Variants in MYO1H observed in about 807,000 individuals in gnomAD.
MYO1H encodes myosin IH.
MYO1H carries 118 observed loss-of-function variants against 149.3 expected under a neutral mutation model. The observed-to-expected ratio is 0.79, with a 90% CI of 0.68 to 0.92. The LOEUF (loss-of-function observed/expected upper bound fraction) is 0.92, where lower values mean the gene tolerates loss of function less well. MYO1H is among the 40% of genes least tolerant of loss of function. The probability of loss-of-function intolerance (pLI) is 0.00; values close to 1 mark genes in which losing one functional copy is unlikely to be tolerated. For synonymous variants in MYO1H, 447 were observed against 465.2 expected (o/e 0.96, Z 0.50); for missense variants, 1,212 against 1,280.7 (o/e 0.95, Z 0.82).
chr12:109,439,591 G>T (rs1452585142), intron 23 of MYO1H, 40 bp from the exon 24 acceptor site: 1 of 1,570,380 alleles, frequency 6.4e-7, no homozygotes, highest in Non-Finnish European at 8.7e-7. Context: ...TCTCGGTGAA[G>T]AAATGGTCCA....
the MYO1H span, among the ~76,000 whole-genome samples, chr12:109,315,156 C>G: frequency 3.3e-5 from 5 of 152,160 alleles, no homozygotes; most frequent in South Asian, 2.1e-4. Flanking sequence ...AATCCATTAC[C>G]TCACCCAATT....
At position 109,443,805 on chromosome 12, in the gene MYO1H, A is replaced by G. The variant is rs1288646080; in HGVS notation, c.2824+156A>G. ...GTAGTCTCAGCTACTCGGAAGGCTGAGGCAGGAGGATCACTTGAGCCTGGG... is the reference window on the plus strand; with the variant it reads ...GTAGTCTCAGCTACTCGGAAGGCTGGGGCAGGAGGATCACTTGAGCCTGGG... On this transcript the variant is annotated intron_variant, in intron 28 of 31. Coordinates refer to ENST00000310903, the Ensembl canonical transcript of MYO1H. The G allele has an allele frequency of 2.9e-5, 22 of 759,344 alleles. No individual in the cohort carries two copies. In the African/African-American group the frequency reaches 3.7e-4, roughly 13 times the overall value. 47.0% of individuals were successfully genotyped at this position (759,344 alleles called of 1,614,324 possible).
At chr12:109,383,970 G>T (rs1314568763) in intron 1 of MYO1H, among the ~76,000 whole-genome samples, 1 of 152,184 alleles carries the variant, frequency 6.6e-6, no homozygotes, top group Non-Finnish European at 1.5e-5. Context: ...ATGAGCAACA[G>T]GTCTAAACCA....
chr12:109,422,040 C>T (rs575666155), intron 16 of MYO1H, among the ~76,000 whole-genome samples: 2 of 152,208 alleles, frequency 1.3e-5, no homozygotes, highest in Admixed American at 1.3e-4. Context: ...AGGCTGGTCT[C>T]GAACTCCTGG....
In MYO1H at chr12:109,446,082, T is replaced by C. The variant is rs150472549; in HGVS notation, c.3093+470T>C. ...GTAAGAAAGAAATGTGTAAAAAATA[T>C]GTAAGAAAATATAAAGTTGCTTTTT... On this transcript the variant is annotated intron_variant, in intron 31 of 31. Coordinates refer to ENST00000310903, the Ensembl canonical transcript of MYO1H. 259 of 985,118 alleles carry C rather than the reference T, an allele frequency of 2.6e-4. 2 individuals are homozygous for C. In the African/African-American group the frequency reaches 4.3e-3, roughly 17 times the overall value. The allele number at this position is 985,118 out of a possible 1,614,324, so 61.0% of individuals were successfully genotyped here. A position where few individuals can be genotyped will look rare whatever the true frequency, so the allele number is the denominator to read the frequency against.
chr12:109,328,557 A>G, the MYO1H span, among the ~76,000 whole-genome samples: 21 of 152,322 alleles, frequency 1.4e-4, no homozygotes, highest in Admixed American at 2.6e-4. Flanking sequence ...AATAGGTCAC[A>G]GAGCTAGGCT....
At position 109,381,297 on chromosome 12, in the gene MYO1H, C is replaced by T. The variant is rs144435751; in HGVS notation, c.13-7386C>T. 1.7e-4 allele frequency among the ~76,000 whole-genome samples: 26 copies of T among 152,300 alleles called. No homozygotes were observed. In the South Asian group the frequency reaches 1.9e-3, roughly 11 times the overall value. On this transcript the variant is annotated intron_variant, in intron 1 of 31. Transcript: ENST00000310903. ...GTATGACAGCATGCACCTGTAATCCCAGCTACTTGGGAAGCTGAGGAGAGA... is the reference window on the plus strand; with the variant it reads ...GTATGACAGCATGCACCTGTAATCCTAGCTACTTGGGAAGCTGAGGAGAGA...
intron 1 of MYO1H, among the ~76,000 whole-genome samples, chr12:109,381,250 CAGA>C (rs1426715800): frequency 6.6e-6 from 1 of 152,056 alleles, no homozygotes; most frequent in Non-Finnish European, 1.5e-5. Flanking sequence ...AAGGCCATGT[CAGA>C]AGGACTCGAA....
chr12:109,382,066 TG>T, intron 1 of MYO1H, among the ~76,000 whole-genome samples: 1 of 152,224 alleles, frequency 6.6e-6, no homozygotes, highest in Non-Finnish European at 1.5e-5. Context: ...TAAATGAAGA[TG>T]GTTTGATAGA....
In MYO1H at chr12:109,439,604, A is replaced by C. The variant is rs765428530; in HGVS notation, c.2295-27A>C. 1.9e-6 allele frequency: 3 copies of C among 1,592,862 alleles called. No individual in the cohort carries two copies. In the Admixed American group the frequency reaches 5.2e-5, roughly 28 times the overall value. Reference sequence around the variant, plus strand: ...AATCTCGGTGAAGAAATGGTCCAGAAAAGTAAGAAAACATTTTCCTTTTTA... The same window carrying C: ...AATCTCGGTGAAGAAATGGTCCAGACAAGTAAGAAAACATTTTCCTTTTTA... On this transcript the variant is annotated intron_variant, in intron 23 of 31. Transcript: ENST00000310903.
At chr12:109,393,543 C>CTAACCATT (rs1555250733) in intron 3 of MYO1H, 97 bp downstream of exon 3, 6 of 530,930 alleles carry the variant, frequency 1.1e-5, no homozygotes, top group Non-Finnish European at 1.7e-5. Context: ...ATCCATTCAT[C>CTAACCATT]CATCCATCCA....
chr12:109,444,181 T>C (rs761014013), intron 28 of MYO1H, 32 bp from the exon 29 acceptor site: 2 of 1,558,768 alleles, frequency 1.3e-6, no homozygotes, highest in Non-Finnish European at 1.8e-6. Flanking sequence ...AGCTCTCTAG[T>C]TCTTGGCTCC....
intron 7 of MYO1H, among the ~76,000 whole-genome samples, chr12:109,404,963 T>A (rs1304738777): frequency 6.6e-6 from 1 of 152,010 alleles, no homozygotes; most frequent in African/African-American, 2.4e-5. Context: ...GTAATCCTGA[T>A]GCTTTGGGAG....
the MYO1H span, among the ~76,000 whole-genome samples, chr12:109,334,442 C>T: frequency 6.6e-6 from 1 of 152,204 alleles, no homozygotes; most frequent in Non-Finnish European, 1.5e-5. Context: ...TCTCAAATAG[C>T]TGGGATTACA....
chr12:109,404,935 G>A (rs1870314645), intron 7 of MYO1H, among the ~76,000 whole-genome samples: 1 of 151,772 alleles, frequency 6.6e-6, no homozygotes, highest in Non-Finnish European at 1.5e-5. Flanking sequence ...TTGAAGCCAG[G>A]TGCAGTGGCT....
chr12:109,407,727 A>C (rs1454857801), intron 9 of MYO1H, 67 bp from the exon 10 acceptor site: 27 of 1,494,662 alleles, frequency 1.8e-5, no homozygotes, highest in Non-Finnish European at 2.3e-5. Context: ...AAGAAAAAAG[A>C]CTTCTTTGAA....
the MYO1H span, among the ~76,000 whole-genome samples, chr12:109,340,775 CTA>C: frequency 2.0e-5 from 3 of 152,210 alleles, no homozygotes; most frequent in Non-Finnish European, 2.9e-5. Context: ...GCAAATCTGT[CTA>C]TGATTTTTAT....
At chr12:109,340,973 G>A in the MYO1H span, among the ~76,000 whole-genome samples, 1 of 152,094 alleles carries the variant, frequency 6.6e-6, no homozygotes, top group African/African-American at 2.4e-5. Flanking sequence ...GATCACTTGA[G>A]GTCAGGAGTT....
chr12:109,428,195 GT>G (rs1359367809), intron 19 of MYO1H, among the ~76,000 whole-genome samples: 1 of 151,876 alleles, frequency 6.6e-6, no homozygotes, highest in East Asian at 1.9e-4. Context: ...GGCCAAGTGC[GT>G]AGATCTGCCA....
Sources: allele counts gnomAD v4.1 joint callset (sites outside exome capture counted in the v4.1 genomes callset), GRCh38; gene constraint gnomAD v4.1.1; transcripts MANE v1.5; gene names NCBI Gene and HGNC (gene_info 2026-07-23, HGNC 2026-07-21).